RNASET2: variants seen among roughly 807,000 people sequenced by gnomAD.
The protein encoded by RNASET2 is ribonuclease 6.
A neutral mutation model predicts 33.9 loss-of-function variants in RNASET2; 28 were observed. The ratio of observed to expected loss-of-function variants is 0.83; its 90% CI spans 0.61 to 1.13. The LOEUF (loss-of-function observed/expected upper bound fraction) is 1.13. Among genes scored for constraint, RNASET2 ranks in the 50% most tolerant of loss-of-function variants. The pLI is 0.00. For synonymous variants in RNASET2, 123 were observed against 121.0 expected, an observed-to-expected ratio of 1.02 and a Z score of -0.11; for missense variants, 330 against 319.9, an observed-to-expected ratio of 1.03 and a Z score of -0.24.
intron 8 of RNASET2, 27 bp from the exon 9 acceptor site, chr6:166,929,818 T>C (rs1161243651): frequency 6.3e-7 from 1 of 1,591,564 alleles, no homozygotes; most frequent in Non-Finnish European, 8.6e-7. Context: ...AAAGACGCTT[T>C]AGAATTCAGA....
intron 2 of RNASET2, among the ~76,000 whole-genome samples, chr6:166,950,713 C>T (rs1411627204): frequency 6.6e-6 from 1 of 152,216 alleles, no homozygotes; most frequent in African/African-American, 2.4e-5. Flanking sequence ...CACTGACGCA[C>T]TGAAGGGATG....
rs753593304 is a variant in RNASET2 at position 166,929,453 on chromosome 6, C to T, written c.*135G>A. The stretch of plus-strand genomic sequence containing the variant: ...GCCACATGCACTCACTCTACAGGGA[C>T]CACAACATCCAATTCACAGGCATGG... On this transcript the variant is annotated 3_prime_UTR_variant, in exon 9 of 9. Transcript: ENST00000508775. 5.3e-6 allele frequency: 5 copies of T among 936,216 alleles called. No individual in the cohort carries two copies. Among genetic ancestry groups the T allele is most frequent in the African/African-American group, 1.6e-5 (1 of 61,974 alleles). 58.0% of individuals were successfully genotyped at this position (936,216 alleles called of 1,614,324 possible).
chr6:166,927,774 T>TCCAACTC lies in RNASET2; in HGVS notation c.*1807_*1813dup, dbSNP rs200417766. Among the ~76,000 whole-genome samples, 426 of 134,644 alleles carry TCCAACTC rather than the reference T, an allele frequency of 3.2e-3. 11 individuals are homozygous for TCCAACTC. The East Asian group carries it at 0.08, about 25-fold the overall frequency. 88.3% of individuals were successfully genotyped at this position (134,644 alleles called of 152,430 possible). A position where few individuals can be genotyped will look rare whatever the true frequency, so the allele number is the denominator to read the frequency against. On this transcript the variant is annotated 3_prime_UTR_variant, in exon 9 of 9. Transcript: ENST00000508775. ...TTTAAAGGACTCTGAGGCTTAAGAGTCCAACTCTAAAGTACACCCACTCCC... is the reference window on the plus strand; with the variant it reads ...TTTAAAGGACTCTGAGGCTTAAGAGTCCAACTCCCAACTCTAAAGTACACCCACTCCC...
chr6:166,942,643 A>G (rs1334983391), intron 5 of RNASET2, among the ~76,000 whole-genome samples: 1 of 151,046 alleles, frequency 6.6e-6, no homozygotes, highest in Non-Finnish European at 1.5e-5. Context: ...GCATTTTGTC[A>G]TGTTACCAGG....
rs1778325598 is a variant in RNASET2 at position 166,927,555 on chromosome 6, A to G, written c.*2033T>C. On this transcript the variant is annotated 3_prime_UTR_variant, in exon 9 of 9. Transcript: ENST00000508775. ...GGCTTCTTTAAAAACCGCAAAGGCC[A>G]GCCGACTGCAGACAGCCTCTGAAGA... Among the ~76,000 whole-genome samples, 1 of 151,180 alleles carries G rather than the reference A, an allele frequency of 6.6e-6. No homozygotes were observed. The highest frequency in any genetic ancestry group is 6.6e-5 in the Admixed American group (1 of 15,216).
At chr6:166,955,145 C>A (rs1411659836) in intron 1 of RNASET2, among the ~76,000 whole-genome samples, 2 of 151,894 alleles carry the variant, frequency 1.3e-5, no homozygotes, top group Non-Finnish European at 2.9e-5. Flanking sequence ...GCAGCACCGC[C>A]TGTTTACCCC....
At chr6:166,955,687 C>A in intron 1 of RNASET2, 3 of 1,075,784 alleles carry the variant, frequency 2.8e-6, no homozygotes, top group Non-Finnish European at 3.4e-6. Flanking sequence ...CTCACCCTAC[C>A]CCCTACTCCT....
chr6:166,955,381 G>A lies in RNASET2; in HGVS notation c.86+716C>T, dbSNP rs1487860804. The A allele has an allele frequency of 1.9e-4, 48 of 250,856 alleles. 1 individual carries two copies. The highest frequency in any genetic ancestry group is 4.8e-4 in the African/African-American group (5 of 10,410). The allele number at this position is 250,856 out of a possible 1,614,324, so 15.5% of individuals were successfully genotyped here. On this transcript the variant is annotated intron_variant, in intron 1 of 8. Transcript: ENST00000508775. The stretch of plus-strand genomic sequence containing the variant: ...CACACACGCACACACAAACGCACAC[G>A]CACACACACACACGCGCACACACAC...
At chr6:166,936,228 C>CTGAATGAATGAA (rs546247226) in intron 6 of RNASET2, among the ~76,000 whole-genome samples, 3 of 152,104 alleles carry the variant, frequency 2.0e-5, no homozygotes, top group African/African-American at 7.2e-5. Flanking sequence ...TGAACATTTA[C>CTGAATGAATGAA]TGAATGAATG....
At chr6:166,932,077 C>A (rs1019269352) in intron 7 of RNASET2, 1 of 152,640 alleles carries the variant, frequency 6.6e-6, no homozygotes, top group Non-Finnish European at 1.5e-5. Flanking sequence ...TCTGATCATC[C>A]TCCCCTCTTG....
At position 166,924,840 on chromosome 6, in the gene RNASET2, G is replaced by A. The variant is rs1386577248; in HGVS notation, c.*4748C>T. 1.3e-5 allele frequency among the ~76,000 whole-genome samples: 2 copies of A among 152,148 alleles called. No homozygotes were observed. The highest frequency in any genetic ancestry group is 2.9e-5 in the Non-Finnish European group (2 of 68,014). On this transcript the variant is annotated 3_prime_UTR_variant, in exon 9 of 9. Transcript: ENST00000508775. ...GGTGGCATATGCCACCACTCTTGGA[G>A]TGGGCCCAAGAGGAAAAGATCCCTG...
chr6:166,929,660 G>C lies in RNASET2; in HGVS notation c.699C>G (p.Ala233=), dbSNP rs201458874. ...KQEVWLANGA[A]ESRGLRVCED... Reference sequence around the variant, plus strand: ...CACAGACTCTCAGACCCCGGCTCTCGGCGGCCCCATTTGCCAGCCAGACTT... The same window carrying C: ...CACAGACTCTCAGACCCCGGCTCTCCGCGGCCCCATTTGCCAGCCAGACTT... The change falls in exon 9 of 9, where the codon GCC becomes GCG. Residue 233 remains alanine, a synonymous_variant. Coordinates refer to ENST00000508775, the MANE Select transcript of RNASET2 (RefSeq NM_003730.6). The C allele has an allele frequency of 3.1e-6, 5 of 1,614,088 alleles. 1 individual carries two copies. In the South Asian group the frequency reaches 5.5e-5, roughly 18 times the overall value.
Position 166,926,152 on chromosome 6 carries a change from A to T in RNASET2, c.*3436T>A, listed in dbSNP as rs1354568367. ...TTCACAATTTAGGCAAAATTTTTTT[A>T]AAAAGTTTCCAGTTCACTTTGAGGT... is the stretch of plus-strand genomic sequence containing the variant. On this transcript the variant is annotated 3_prime_UTR_variant, in exon 9 of 9. Transcript: ENST00000508775. Among the ~76,000 whole-genome samples the T allele has an allele frequency of 3.9e-5, 6 of 151,998 alleles. No individual in the cohort carries two copies. Among genetic ancestry groups the T allele is most frequent in the South Asian group, 2.1e-4 (1 of 4,824 alleles).
chr6:166,944,012 C>T (rs1042476337), intron 4 of RNASET2: 15 of 200,854 alleles, frequency 7.5e-5, no homozygotes, highest in African/African-American at 2.8e-4. Flanking sequence ...CCCAGCTACT[C>T]AGGAGGCTGA....
chr6:166,955,241 A>ACACACACG (rs1381405318), intron 1 of RNASET2, among the ~76,000 whole-genome samples: 2 of 122,474 alleles, frequency 1.6e-5, no homozygotes, highest in Admixed American at 7.6e-5. Flanking sequence ...GCACGCACGC[A>ACACACACG]CACACACGCA....
chr6:166,955,257 G>A lies in RNASET2; in HGVS notation c.86+840C>T, dbSNP rs7746484. 1.1e-3 allele frequency among the ~76,000 whole-genome samples: 100 copies of A among 92,044 alleles called. 1 individual carries two copies. The highest frequency in any genetic ancestry group is 4.8e-3 in the African/African-American group (89 of 18,390). 60.4% of individuals were successfully genotyped at this position (92,044 alleles called of 152,430 possible). A position where few individuals can be genotyped will look rare whatever the true frequency, so the allele number is the denominator to read the frequency against. On this transcript the variant is annotated intron_variant, in intron 1 of 8. Transcript: ENST00000508775. Reference sequence around the variant, plus strand: ...CACGCACGCACACACACGCACACACGCACACACACACACGCGCACACACGA... The same window carrying A: ...CACGCACGCACACACACGCACACACACACACACACACACGCGCACACACGA...
chr6:166,939,682 A>G (rs1778651208), intron 5 of RNASET2, among the ~76,000 whole-genome samples: 1 of 152,250 alleles, frequency 6.6e-6, no homozygotes, highest in Non-Finnish European at 1.5e-5. Flanking sequence ...ATTTCTAAGC[A>G]ACCAGCCATG....
chr6:166,946,611 G>GGTAC lies in RNASET2; in HGVS notation c.261+67_261+70dup, dbSNP rs1291794019. 21 of 847,258 alleles carry GGTAC rather than the reference G, an allele frequency of 2.5e-5. No homozygotes were observed. The East Asian group carries it at 4.7e-4, about 19-fold the overall frequency. The allele number at this position is 847,258 out of a possible 1,614,324, so 52.5% of individuals were successfully genotyped here. A position where few individuals can be genotyped will look rare whatever the true frequency, so the allele number is the denominator to read the frequency against. Reference sequence around the variant, plus strand: ...CCTTAATTTTAAAGATGACTTTGAAGGTACGCTTGTGAAGAAAAGAGTTAA... The same window carrying GGTAC: ...CCTTAATTTTAAAGATGACTTTGAAGGTACGTACGCTTGTGAAGAAAAGAGTTAA... On this transcript the variant is annotated intron_variant, in intron 4 of 8. Transcript: ENST00000508775.
At chr6:166,954,683 T>C (rs1779062757) in intron 1 of RNASET2, among the ~76,000 whole-genome samples, 1 of 152,256 alleles carries the variant, frequency 6.6e-6, no homozygotes, top group South Asian at 2.1e-4. Flanking sequence ...TACATTTTAA[T>C]GTACATGATT....
Sources: allele counts gnomAD v4.1 joint callset (sites outside exome capture counted in the v4.1 genomes callset), GRCh38; gene constraint gnomAD v4.1.1; transcripts MANE v1.5; gene names NCBI Gene and HGNC (gene_info 2026-07-23, HGNC 2026-07-21).